PCP4L1: variants seen among roughly 807,000 people sequenced by gnomAD.
The protein encoded by PCP4L1 is Purkinje cell protein 4 like 1.
A neutral mutation model predicts 9.6 loss-of-function variants in PCP4L1; 9 were observed. The ratio of observed to expected loss-of-function variants is 0.94; its 90% confidence interval spans 0.57 to 1.64. The LOEUF (loss-of-function observed/expected upper bound fraction) is 1.64, where lower values mean the gene tolerates loss of function less well. PCP4L1 is among the 40% of genes most tolerant of loss of function. The pLI is 0.00. For missense variants in PCP4L1, 81 were observed against 80.8 expected, an observed-to-expected ratio of 1.00 and a Z score of -0.01; for synonymous variants, 31 against 28.2, an observed-to-expected ratio of 1.10 and a Z score of -0.31.
chr1:161,280,375 TTC>T (rs1225096533), intron 1 of PCP4L1, among the ~76,000 whole-genome samples: 2 of 152,130 alleles, frequency 1.3e-5, no homozygotes, highest in Non-Finnish European at 1.5e-5. Context: ...CCAGTAATGA[TTC>T]TCTTTCTCTC....
rs535507902 is a variant in PCP4L1 at position 161,260,174 on chromosome 1, G to C, written c.9+1191G>C. Reference sequence around the variant, plus strand: ...ACCCTGGAGCCTGGGTTCCAGTTTAGATACTAAAAATGAAGATCTCTATGA... The same window carrying C: ...ACCCTGGAGCCTGGGTTCCAGTTTACATACTAAAAATGAAGATCTCTATGA... On this transcript the variant is annotated intron_variant, in intron 1 of 2. Transcript: ENST00000504449. 2.7e-5 allele frequency among the ~76,000 whole-genome samples: 4 copies of C among 150,058 alleles called. No homozygotes were observed. The South Asian group carries it at 8.3e-4, about 31-fold the overall frequency.
Position 161,267,556 on chromosome 1 carries a change from CACA to C in PCP4L1, c.9+8575_9+8577del, listed in dbSNP as rs1424418253. Among the ~76,000 whole-genome samples the C allele has an allele frequency of 4.6e-5, 7 of 152,200 alleles. No homozygotes were observed. The East Asian group carries it at 1.4e-3, about 29-fold the overall frequency. ...TGGCAACGCTATTAAAGATGAAAGC[CACA>C]AAGGAAGGAGGAAACACAGCCCAAG... is the stretch of plus-strand genomic sequence containing the variant. On this transcript the variant is annotated intron_variant, in intron 1 of 2. Coordinates refer to ENST00000504449, the MANE Select transcript of PCP4L1 (RefSeq NM_001102566.2).
At chr1:161,265,684 A>G (rs1298264239) in intron 1 of PCP4L1, among the ~76,000 whole-genome samples, 1 of 151,002 alleles carries the variant, frequency 6.6e-6, no homozygotes. Flanking sequence ...TTGCGTTGGA[A>G]TTATTTTAGT....
At chr1:161,269,983 A>G (rs1669595327) in intron 1 of PCP4L1, among the ~76,000 whole-genome samples, 1 of 147,130 alleles carries the variant, frequency 6.8e-6, no homozygotes, top group Non-Finnish European at 1.5e-5. Context: ...TGGGCAACAG[A>G]ATAAGACCTT....
chr1:161,278,153 A>T (rs575058874), intron 1 of PCP4L1, among the ~76,000 whole-genome samples: 1 of 152,206 alleles, frequency 6.6e-6, no homozygotes, highest in Non-Finnish European at 1.5e-5. Context: ...CCATAACCCC[A>T]CATTCATCTC....
At chr1:161,282,105 C>T (rs1218930020) in intron 1 of PCP4L1, among the ~76,000 whole-genome samples, 1 of 152,172 alleles carries the variant, frequency 6.6e-6, no homozygotes, top group Non-Finnish European at 1.5e-5. Flanking sequence ...CCATTGAGCA[C>T]TGAGTGAACA....
chr1:161,274,269 A>C (rs1240176815), intron 1 of PCP4L1, among the ~76,000 whole-genome samples: 1 of 152,054 alleles, frequency 6.6e-6, no homozygotes, highest in Non-Finnish European at 1.5e-5. Flanking sequence ...TTCCTAAACC[A>C]TGTCATTGTT....
intron 1 of PCP4L1, among the ~76,000 whole-genome samples, chr1:161,270,606 G>T (rs985916629): frequency 6.7e-6 from 1 of 149,812 alleles, no homozygotes; most frequent in Admixed American, 6.7e-5. Flanking sequence ...AGGCGCAGTG[G>T]CTCATGCCTG....
intron 1 of PCP4L1, among the ~76,000 whole-genome samples, chr1:161,274,414 A>T (rs1022595871): frequency 2.6e-5 from 4 of 151,962 alleles, no homozygotes; most frequent in African/African-American, 9.7e-5. Context: ...TGTGATCCAT[A>T]CCTGGCTAGA....
chr1:161,267,201 A>G (rs1669545999), intron 1 of PCP4L1, among the ~76,000 whole-genome samples: 1 of 152,208 alleles, frequency 6.6e-6, no homozygotes, highest in Non-Finnish European at 1.5e-5. Flanking sequence ...TCTGCCTTGG[A>G]CTGTAGGACA....
intron 1 of PCP4L1, among the ~76,000 whole-genome samples, chr1:161,279,709 G>A (rs1183615174): frequency 6.6e-6 from 1 of 152,170 alleles, no homozygotes; most frequent in African/African-American, 2.4e-5. Context: ...AAAATTGTGA[G>A]GTGAATAAAC....
intron 1 of PCP4L1, among the ~76,000 whole-genome samples, chr1:161,264,109 C>G (rs1029000143): frequency 6.6e-6 from 1 of 151,344 alleles, no homozygotes; most frequent in Admixed American, 6.6e-5. Context: ...GACGAGATTT[C>G]ACTATGTTGA....
At chr1:161,276,199 T>C (rs1285878298) in intron 1 of PCP4L1, among the ~76,000 whole-genome samples, 1 of 152,056 alleles carries the variant, frequency 6.6e-6, no homozygotes, top group African/African-American at 2.4e-5. Flanking sequence ...ATGTGCAAAA[T>C]TAAGCAAAGA....
At chr1:161,281,642 C>T (rs1285145203) in intron 1 of PCP4L1, among the ~76,000 whole-genome samples, 13 of 149,918 alleles carry the variant, frequency 8.7e-5, no homozygotes, top group Non-Finnish European at 1.2e-4. Context: ...GGGTGGCTGC[C>T]GGGCAGAGAT....
At position 161,258,885 on chromosome 1, in the gene PCP4L1, G is replaced by A. The variant is rs1219798095; in HGVS notation, c.-90G>A. On this transcript the variant is annotated 5_prime_UTR_variant, in exon 1 of 3. Transcript: ENST00000504449. ...AGCTGTAACCCCTGCCGCAGAGCCC[G>A]GCAACTTTCAGCTGTCGCCCGCGGA... 1 of 1,525,406 alleles carries A rather than the reference G, an allele frequency of 6.6e-7. No individual in the cohort carries two copies. The allele number at this position is 1,525,406 out of a possible 1,614,324, so 94.5% of individuals were successfully genotyped here.
chr1:161,262,194 G>A (rs746669083), intron 1 of PCP4L1, among the ~76,000 whole-genome samples: 4 of 152,078 alleles, frequency 2.6e-5, no homozygotes, highest in East Asian at 1.9e-4. Context: ...CAACACTTGG[G>A]GAGGCCAAGG....
intron 1 of PCP4L1, among the ~76,000 whole-genome samples, chr1:161,267,524 G>GT (rs1669550328): frequency 6.6e-6 from 1 of 152,168 alleles, no homozygotes; most frequent in East Asian, 1.9e-4. Context: ...GGTGACAGTG[G>GT]TTGCTGTGGC....
chr1:161,265,511 C>T (rs1669515039), intron 1 of PCP4L1, among the ~76,000 whole-genome samples: 1 of 151,624 alleles, frequency 6.6e-6, no homozygotes, highest in South Asian at 2.1e-4. Flanking sequence ...CAACAGAGCA[C>T]GACCCTGTCT....
chr1:161,272,558 CAAAAAAAAAAA>C, intron 1 of PCP4L1, among the ~76,000 whole-genome samples: 1 of 71,854 alleles, frequency 1.4e-5, no homozygotes, highest in Non-Finnish European at 2.9e-5. Context: ...AACTCCGTCT[CAAAAAAAAAAA>C]AAAAAAAAAT....
Sources: gnomAD v4.1 joint callset for allele counts (sites outside exome capture counted in the v4.1 genomes callset) on GRCh38, gnomAD v4.1.1 for gene constraint, MANE v1.5 for transcripts, NCBI Gene and HGNC (gene_info 2026-07-23, HGNC 2026-07-21) for gene names.